The following TMEM163 variants were observed in gnomAD, a reference collection of about 807,000 sequenced individuals.
TMEM163 encodes the protein transmembrane protein 163.
A neutral mutation model predicts 29.3 loss-of-function variants in TMEM163; 17 were observed. The ratio of observed to expected loss-of-function variants is 0.58; its 90% confidence interval spans 0.40 to 0.87. The LOEUF (loss-of-function observed/expected upper bound fraction) is 0.87. TMEM163 is among the 40% of genes least tolerant of loss of function. TMEM163 has a pLI of 0.00. For synonymous variants in TMEM163, 157 were observed against 160.6 expected (o/e 0.98, Z 0.17); for missense variants, 303 against 381.5 (o/e 0.79, Z 1.71).
chr2:134,473,096 A>G (rs534431499), intron 5 of TMEM163, among the ~76,000 whole-genome samples: 15 of 152,360 alleles, frequency 9.8e-5, no homozygotes, highest in African/African-American at 3.4e-4. Context: ...AGCTAAGAGG[A>G]AAATTTATAG....
intron 5 of TMEM163, among the ~76,000 whole-genome samples, chr2:134,489,802 G>A (rs1162081247): frequency 6.6e-6 from 1 of 152,144 alleles, no homozygotes; most frequent in Admixed American, 6.6e-5. Flanking sequence ...ATGAACGAGG[G>A]CGAATAATCT....
At chr2:134,686,010 AC>A (rs1188808936) in intron 2 of TMEM163, among the ~76,000 whole-genome samples, 1 of 152,182 alleles carries the variant, frequency 6.6e-6, no homozygotes, top group Non-Finnish European at 1.5e-5. Context: ...CCAGCCATAT[AC>A]CTGTCTGTCC....
At chr2:134,529,756 C>T (rs775279542) in intron 4 of TMEM163, among the ~76,000 whole-genome samples, 1 of 151,408 alleles carries the variant, frequency 6.6e-6, no homozygotes, top group Non-Finnish European at 1.5e-5. Context: ...CACAGCAAGA[C>T]CCTACCTCAA....
At chr2:134,555,615 C>A (rs1280189956) in intron 2 of TMEM163, among the ~76,000 whole-genome samples, 1 of 152,228 alleles carries the variant, frequency 6.6e-6, no homozygotes, top group Non-Finnish European at 1.5e-5. Context: ...CTGCTCTTGG[C>A]CCCATGTGGT....
Position 134,718,873 on chromosome 2 carries a change from G to T in TMEM163, c.63C>A (p.Pro21=). 9.1e-7 allele frequency: 1 copy of T among 1,102,560 alleles called. No homozygotes were observed. The highest frequency in any genetic ancestry group is 1.1e-6 in the Non-Finnish European group (1 of 906,384). The allele number at this position is 1,102,560 out of a possible 1,614,324, so 68.3% of individuals were successfully genotyped here. The change falls in exon 1 of 8, where the codon CCC becomes CCA. Residue 21 remains proline, a synonymous_variant. Coordinates refer to ENST00000281924, the MANE Select transcript of TMEM163 (RefSeq NM_030923.5). ...SSQGPTVPPP[P]RGHAPPAAAP... ...CGGCAGCCGGTGGCGCGTGGCCCCG[G>T]GGCGGCGGCGGGACGGTGGGCCCCT...
At chr2:134,577,807 A>G (rs1574251935) in intron 2 of TMEM163, among the ~76,000 whole-genome samples, 1 of 149,038 alleles carries the variant, frequency 6.7e-6, no homozygotes, top group East Asian at 1.9e-4. Flanking sequence ...GATCGAAAAC[A>G]TGTGGGGGGG....
At chr2:134,483,757 C>T (rs559675684) in intron 5 of TMEM163, among the ~76,000 whole-genome samples, 12 of 152,288 alleles carry the variant, frequency 7.9e-5, no homozygotes, top group East Asian at 3.9e-4. Context: ...ACATGTACGA[C>T]GCTCTTTTTT....
chr2:134,706,471 G>A (rs971293521), intron 2 of TMEM163, among the ~76,000 whole-genome samples: 1 of 152,140 alleles, frequency 6.6e-6, no homozygotes, highest in Non-Finnish European at 1.5e-5. Flanking sequence ...AGTGCCGAAA[G>A]CAATAACACA....
At chr2:134,615,557 A>C (rs1456530999) in intron 2 of TMEM163, among the ~76,000 whole-genome samples, 8 of 152,002 alleles carry the variant, frequency 5.3e-5, no homozygotes, top group African/African-American at 1.7e-4. Context: ...TAGACATCTC[A>C]ATCAGTTCAG....
chr2:134,665,116 T>C (rs1006609475), intron 2 of TMEM163, among the ~76,000 whole-genome samples: 1 of 152,160 alleles, frequency 6.6e-6, no homozygotes, highest in Non-Finnish European at 1.5e-5. Context: ...CTTGTGATGC[T>C]TATATTGTTG....
At chr2:134,509,961 T>C (rs113304790) in intron 4 of TMEM163, among the ~76,000 whole-genome samples, 1 of 152,128 alleles carries the variant, frequency 6.6e-6, no homozygotes, top group South Asian at 2.1e-4. Context: ...GACACAGCAC[T>C]GTGGGGCCCT....
chr2:134,498,746 G>A (rs1679635668), intron 5 of TMEM163, among the ~76,000 whole-genome samples: 1 of 152,206 alleles, frequency 6.6e-6, no homozygotes, highest in South Asian at 2.1e-4. Flanking sequence ...GAAAGGCCAG[G>A]GACAGGCAGA....
intron 2 of TMEM163, among the ~76,000 whole-genome samples, chr2:134,651,654 C>A (rs960360206): frequency 9.9e-6 from 1 of 101,204 alleles, no homozygotes. Flanking sequence ...CCTAGGTTTT[C>A]TTCTAGGGTT....
At chr2:134,673,875 G>A (rs549434213) in intron 2 of TMEM163, among the ~76,000 whole-genome samples, 1 of 152,300 alleles carries the variant, frequency 6.6e-6, no homozygotes, top group East Asian at 1.9e-4. Flanking sequence ...TAATAACTTT[G>A]TGCGGTTTTA....
intron 2 of TMEM163, among the ~76,000 whole-genome samples, chr2:134,672,547 A>G (rs993607335): frequency 6.7e-6 from 1 of 148,606 alleles, no homozygotes; most frequent in East Asian, 2.0e-4. Context: ...GGCTAATTTT[A>G]TTTTTTTTTT....
At chr2:134,457,441 G>A (rs1054734151) in intron 7 of TMEM163, among the ~76,000 whole-genome samples, 1 of 152,142 alleles carries the variant, frequency 6.6e-6, no homozygotes, top group Admixed American at 6.5e-5. Flanking sequence ...TTTGATGATA[G>A]CCATCCTACC....
chr2:134,526,963 T>G (rs1363074242), intron 4 of TMEM163, among the ~76,000 whole-genome samples: 1 of 152,226 alleles, frequency 6.6e-6, no homozygotes, highest in Admixed American at 6.5e-5. Flanking sequence ...TCAAGACAGA[T>G]AAACAGATGA....
chr2:134,630,438 C>T (rs1161423413), intron 2 of TMEM163, among the ~76,000 whole-genome samples: 3 of 152,070 alleles, frequency 2.0e-5, no homozygotes, highest in African/African-American at 7.2e-5. Context: ...ATCTGAATTT[C>T]CCTTATTAGG....
intron 2 of TMEM163, among the ~76,000 whole-genome samples, chr2:134,553,101 C>T (rs1680969153): frequency 6.6e-6 from 1 of 152,200 alleles, no homozygotes; most frequent in African/African-American, 2.4e-5. Context: ...CCATATTTAA[C>T]AAGCATACAT....
Sources: allele counts gnomAD v4.1 joint callset (sites outside exome capture counted in the v4.1 genomes callset), GRCh38; gene constraint gnomAD v4.1.1; transcripts MANE v1.5; gene names NCBI Gene and HGNC (gene_info 2026-07-23, HGNC 2026-07-21).